The following FOXP1 variants were observed in gnomAD, a reference collection of about 807,000 sequenced individuals.
The protein encoded by FOXP1 is forkhead box P1, also known as forkhead box protein P1.
A neutral mutation model predicts 98.2 loss-of-function variants in FOXP1; 15 were observed. That is an observed-to-expected ratio of 0.15 (90% confidence interval 0.10 to 0.24). The LOEUF (loss-of-function observed/expected upper bound fraction) is 0.24, where lower values mean the gene tolerates loss of function less well. FOXP1 is among the 10% of genes least tolerant of loss of function. The probability of loss-of-function intolerance (pLI) is 1.00; values close to 1 mark genes in which losing one functional copy is unlikely to be tolerated. For missense variants in FOXP1, 633 were observed against 848.5 expected (o/e 0.75, Z 3.15); for synonymous variants, 371 against 314.5 (o/e 1.18, Z -1.90).
intron 12 of FOXP1, among the ~76,000 whole-genome samples, chr3:71,009,827 C>T (rs973660172): frequency 6.6e-5 from 10 of 151,894 alleles, no homozygotes; most frequent in African/African-American, 1.5e-4. Flanking sequence ...TAGCTCACTG[C>T]GGCCTCGAAC....
rs534384401 is a variant in FOXP1, at chr3:71,115,586, C to T, written c.181-2949G>A. ...TCCTGACCTCAGGTGATCTACCTGC[C>T]TTGGCCTCCCAAAGTGCTGGGATTA... On this transcript the variant is annotated intron_variant, in intron 6 of 20. Coordinates refer to ENST00000649528, the MANE Select transcript of FOXP1 (RefSeq NM_001349338.3). Among the ~76,000 whole-genome samples, 295 of 152,086 alleles carry T rather than the reference C, an allele frequency of 1.9e-3. 3 individuals carry two copies. The highest frequency in any genetic ancestry group is 6.9e-3 in the African/African-American group (287 of 41,484).
At chr3:71,271,643 C>T (rs905982075) in intron 5 of FOXP1, among the ~76,000 whole-genome samples, 3 of 152,216 alleles carry the variant, frequency 2.0e-5, no homozygotes, top group African/African-American at 7.2e-5. Flanking sequence ...TGACGGATCA[C>T]TGGTACATAT....
chr3:71,208,536 TTGTGTGTGTG>T (rs1553780525), intron 5 of FOXP1, among the ~76,000 whole-genome samples: 1 of 149,346 alleles, frequency 6.7e-6, no homozygotes, highest in Admixed American at 6.7e-5. Flanking sequence ...GCATTTAAGT[TTGTGTGTGTG>T]TGTGTGTGTG....
At chr3:71,137,798 A>AC (rs2059894623) in intron 6 of FOXP1, among the ~76,000 whole-genome samples, 1 of 144,140 alleles carries the variant, frequency 6.9e-6, no homozygotes, top group Non-Finnish European at 1.6e-5. Flanking sequence ...ATTTATTATT[A>AC]TTTTTTTTTT....
At chr3:71,102,367 T>C (rs1302846710) in intron 7 of FOXP1, among the ~76,000 whole-genome samples, 1 of 152,218 alleles carries the variant, frequency 6.6e-6, no homozygotes, top group African/African-American at 2.4e-5. Context: ...ACAAGCATGC[T>C]ATATCCATGC....
intron 4 of FOXP1, among the ~76,000 whole-genome samples, chr3:71,341,688 GACTCCGTCT>G (rs1287362451): frequency 6.6e-6 from 1 of 152,170 alleles, no homozygotes; most frequent in African/African-American, 2.4e-5. Context: ...AACAGAGTGA[GACTCCGTCT>G]CAAAAGAAAA....
intron 6 of FOXP1, among the ~76,000 whole-genome samples, chr3:71,149,631 T>TA (rs1046635699): frequency 4.6e-5 from 7 of 152,178 alleles, no homozygotes; most frequent in Non-Finnish European, 8.8e-5. Context: ...TGTTTGCTAT[T>TA]AAAAAAAGAC....
At chr3:71,041,934 GAAT>G (rs1379846736) in intron 10 of FOXP1, among the ~76,000 whole-genome samples, 3 of 152,132 alleles carry the variant, frequency 2.0e-5, no homozygotes, top group Non-Finnish European at 4.4e-5. Flanking sequence ...ACTACAAAAT[GAAT>G]AATTTTTGTG....
intron 5 of FOXP1, among the ~76,000 whole-genome samples, chr3:71,230,981 T>G (rs1274045455): frequency 1.3e-5 from 2 of 152,184 alleles, no homozygotes; most frequent in African/African-American, 4.8e-5. Context: ...AAAATTCCAG[T>G]AGAGTCTGAC....
intron 10 of FOXP1, among the ~76,000 whole-genome samples, chr3:71,045,869 T>G (rs985883889): frequency 6.6e-6 from 1 of 152,160 alleles, no homozygotes; most frequent in African/African-American, 2.4e-5. Context: ...TTTTTAACCT[T>G]CTTTAGAAGG....
chr3:71,121,044 T>A (rs1331922648), intron 6 of FOXP1, among the ~76,000 whole-genome samples: 1 of 13,728 alleles, frequency 7.3e-5, no homozygotes, highest in African/African-American at 4.0e-4. Flanking sequence ...TCTTTCTTTC[T>A]TTTTTTTTTT....
At position 71,300,800 on chromosome 3, in the gene FOXP1, T is replaced by C. The variant is rs1213244025; in HGVS notation, c.-72-920A>G. On this transcript the variant is annotated intron_variant, in intron 4 of 20. Transcript: ENST00000649528. ...AAATCATATCATCATTTTACCAAAA[T>C]GTTAATATCTTTTTGCTCACTCTTC... 2.0e-5 allele frequency among the ~76,000 whole-genome samples: 3 copies of C among 152,346 alleles called. No individual in the cohort carries two copies. The East Asian group carries it at 5.8e-4, about 29-fold the overall frequency.
intron 7 of FOXP1, among the ~76,000 whole-genome samples, chr3:71,073,065 C>A (rs1302305417): frequency 6.6e-6 from 1 of 152,198 alleles, no homozygotes; most frequent in Non-Finnish European, 1.5e-5. Context: ...GCTTTCAGGT[C>A]ATACAGAACT....
chr3:71,185,009 A>G (rs1401782491), intron 6 of FOXP1, among the ~76,000 whole-genome samples: 1 of 152,088 alleles, frequency 6.6e-6, no homozygotes, highest in Non-Finnish European at 1.5e-5. Context: ...CCTGGCCAAT[A>G]TGATGAAACC....
intron 7 of FOXP1, among the ~76,000 whole-genome samples, chr3:71,092,179 G>A (rs1013531340): frequency 6.7e-6 from 1 of 149,382 alleles, no homozygotes; most frequent in Non-Finnish European, 1.5e-5. Flanking sequence ...CAGAGTGAGA[G>A]ACTCTGTCTC....
chr3:71,297,079 C>T lies in FOXP1; in HGVS notation c.-12+2741G>A, dbSNP rs181460293. ...TTCCTTTATAGCAACACCAAACAGA[C>T]GAAGACAATGTATATAGAACAAAAA... On this transcript the variant is annotated intron_variant, in intron 5 of 20. Coordinates refer to ENST00000649528, the MANE Select transcript of FOXP1 (RefSeq NM_001349338.3). 4.6e-5 allele frequency among the ~76,000 whole-genome samples: 7 copies of T among 151,840 alleles called. No individual in the cohort carries two copies. The East Asian group carries it at 5.8e-4, about 13-fold the overall frequency.
At chr3:71,292,050 A>G (rs1204212644) in intron 5 of FOXP1, among the ~76,000 whole-genome samples, 2 of 152,124 alleles carry the variant, frequency 1.3e-5, no homozygotes, top group Non-Finnish European at 2.9e-5. Context: ...CACTACACTA[A>G]AATCCTTAAC....
At chr3:71,575,963 T>C (rs2047690559) in intron 2 of FOXP1, among the ~76,000 whole-genome samples, 1 of 152,256 alleles carries the variant, frequency 6.6e-6, no homozygotes, top group Non-Finnish European at 1.5e-5. Context: ...TCAGAGCATC[T>C]GGTAAAATGT....
At chr3:71,571,514 C>T (rs2047339987) in intron 2 of FOXP1, 1 of 152,094 alleles carries the variant, frequency 6.6e-6, no homozygotes, top group Non-Finnish European at 1.5e-5. Flanking sequence ...AATAAAATGT[C>T]AGTACAAATA....
Sources: allele counts gnomAD v4.1 joint callset (sites outside exome capture counted in the v4.1 genomes callset), GRCh38; gene constraint gnomAD v4.1.1; transcripts MANE v1.5; gene names NCBI Gene and HGNC (gene_info 2026-07-23, HGNC 2026-07-21).